Variants in STX8 observed in about 807,000 individuals in gnomAD.
STX8 encodes the protein syntaxin 8, also known as syntaxin-8.
In STX8, 23 loss-of-function variants were observed where a neutral mutation model predicts 37.5. That is an observed-to-expected ratio of 0.61 (90% CI 0.44 to 0.87). The LOEUF (loss-of-function observed/expected upper bound fraction) is 0.87. Among genes scored for constraint, STX8 ranks in the 40% least tolerant of loss-of-function variants. The pLI is 0.00. For missense variants in STX8, 313 were observed against 284.7 expected (o/e 1.10, Z -0.71); for synonymous variants, 115 against 99.1 (o/e 1.16, Z -0.95).
chr17:9,496,262 G>C (rs1026583030), intron 5 of STX8, among the ~76,000 whole-genome samples: 1 of 152,068 alleles, frequency 6.6e-6, no homozygotes, highest in Non-Finnish European at 1.5e-5. Flanking sequence ...TTTTAGTAGA[G>C]ACGAGGTTTT....
chr17:9,449,329 G>C (rs940103802), intron 6 of STX8, among the ~76,000 whole-genome samples: 2 of 152,222 alleles, frequency 1.3e-5, no homozygotes, highest in African/African-American at 4.8e-5. Context: ...GGGAGGCCAA[G>C]GCGAGCGGAT....
intron 3 of STX8, among the ~76,000 whole-genome samples, chr17:9,551,882 C>CA (rs1354331538): frequency 2.0e-5 from 3 of 148,234 alleles, no homozygotes; most frequent in African/African-American, 7.5e-5. Context: ...GTAATATGTC[C>CA]AAAAAAACTA....
At chr17:9,524,811 CTGT>C (rs757095132) in intron 4 of STX8, among the ~76,000 whole-genome samples, 169 of 122,616 alleles carry the variant, frequency 1.4e-3, no homozygotes, top group Non-Finnish European at 2.1e-3. Flanking sequence ...GGGTCTCACT[CTGT>C]TTTTTTTTTT....
intron 7 of STX8, among the ~76,000 whole-genome samples, chr17:9,321,799 T>C (rs1371667688): frequency 6.6e-6 from 1 of 152,160 alleles, no homozygotes; most frequent in Non-Finnish European, 1.5e-5. Flanking sequence ...ACTACAGGCA[T>C]GAGCCGCCAT....
intron 3 of STX8, 43 bp from the exon 4 acceptor site, chr17:9,545,325 C>T (rs374256150): frequency 1.0e-5 from 14 of 1,377,078 alleles, no homozygotes; most frequent in African/African-American, 1.0e-4. Context: ...TAAATGACCT[C>T]GTTTTAACTA....
chr17:9,387,274 A>G (rs1414751098), intron 6 of STX8, among the ~76,000 whole-genome samples: 2 of 152,014 alleles, frequency 1.3e-5, no homozygotes, highest in Non-Finnish European at 2.9e-5. Flanking sequence ...GAGTTTATAT[A>G]TAGTAGCATA....
intron 7 of STX8, among the ~76,000 whole-genome samples, chr17:9,252,739 C>T (rs895181471): frequency 9.2e-5 from 14 of 151,876 alleles, no homozygotes; most frequent in African/African-American, 1.7e-4. Flanking sequence ...TTTTGAGAAA[C>T]GCTTCTCTTG....
intron 6 of STX8, among the ~76,000 whole-genome samples, chr17:9,390,086 C>T (rs1027713271): frequency 2.0e-5 from 3 of 152,194 alleles, no homozygotes; most frequent in African/African-American, 4.8e-5. Context: ...AGGGAAAGCT[C>T]CTTTGCCTGG....
At chr17:9,480,963 C>T (rs554340198) in intron 6 of STX8, among the ~76,000 whole-genome samples, 14 of 152,040 alleles carry the variant, frequency 9.2e-5, no homozygotes, top group Non-Finnish European at 1.5e-4. Flanking sequence ...CAGCTCACTG[C>T]AAGCTCCGCC....
intron 7 of STX8, among the ~76,000 whole-genome samples, chr17:9,285,933 G>T (rs1908056688): frequency 6.6e-6 from 1 of 152,090 alleles, no homozygotes; most frequent in South Asian, 2.1e-4. Flanking sequence ...CTGAAAAATT[G>T]TAACGAACTT....
chr17:9,289,341 AAG>A (rs1908221390), intron 7 of STX8, among the ~76,000 whole-genome samples: 2 of 152,198 alleles, frequency 1.3e-5, no homozygotes, highest in Non-Finnish European at 2.9e-5. Flanking sequence ...CAAAAGAAGA[AAG>A]AGTTGATGGA....
chr17:9,271,748 C>CAA (rs71135959), intron 7 of STX8, among the ~76,000 whole-genome samples: 35 of 63,426 alleles, frequency 5.5e-4, no homozygotes, highest in African/African-American at 5.7e-4. Context: ...GACTCCATCT[C>CAA]AAAAAAAAAA....
At chr17:9,536,360 C>T (rs988040741) in intron 4 of STX8, among the ~76,000 whole-genome samples, 13 of 152,154 alleles carry the variant, frequency 8.5e-5, no homozygotes, top group African/African-American at 2.7e-4. Flanking sequence ...GAAGCCCTGA[C>T]GGCATCACTG....
intron 7 of STX8, among the ~76,000 whole-genome samples, chr17:9,290,156 C>A (rs761737692): frequency 1.3e-5 from 2 of 152,188 alleles, no homozygotes; most frequent in Non-Finnish European, 2.9e-5. Context: ...GTTGAAAGTA[C>A]CTTCCTTTGG....
At chr17:9,471,285 G>T (rs1567574977) in intron 6 of STX8, among the ~76,000 whole-genome samples, 1 of 151,012 alleles carries the variant, frequency 6.6e-6, no homozygotes, top group African/African-American at 2.4e-5. Context: ...CCGAGTAGCT[G>T]GGATTACAGG....
At chr17:9,430,380 T>G (rs959276607) in intron 6 of STX8, among the ~76,000 whole-genome samples, 1 of 150,630 alleles carries the variant, frequency 6.6e-6, no homozygotes, top group African/African-American at 2.4e-5. Flanking sequence ...AATTCCCCAT[T>G]TCCCCCTGCC....
intron 4 of STX8, among the ~76,000 whole-genome samples, chr17:9,522,541 C>CAAAAAAA (rs33970359): frequency 6.3e-4 from 42 of 66,820 alleles, no homozygotes; most frequent in Non-Finnish European, 1.1e-3. Flanking sequence ...ACTAAAAATC[C>CAAAAAAA]AAAAAAAAAA....
chr17:9,428,993 T>C (rs1220795368), intron 6 of STX8, among the ~76,000 whole-genome samples: 1 of 152,124 alleles, frequency 6.6e-6, no homozygotes, highest in African/African-American at 2.4e-5. Context: ...TTCAAGTTCA[T>C]AGCCCCATAT....
chr17:9,508,576 G>A (rs1043154333), intron 4 of STX8, among the ~76,000 whole-genome samples: 14 of 152,210 alleles, frequency 9.2e-5, no homozygotes, highest in South Asian at 2.1e-4. Flanking sequence ...TGATCTGCCC[G>A]CCTTGGCCTC....
Sources: allele counts gnomAD v4.1 joint callset (sites outside exome capture counted in the v4.1 genomes callset), GRCh38; gene constraint gnomAD v4.1.1; transcripts MANE v1.5; gene names NCBI Gene and HGNC (gene_info 2026-07-23, HGNC 2026-07-21).